The following SLC13A3 variants were observed in gnomAD, a reference collection of about 807,000 sequenced individuals.
SLC13A3 encodes solute carrier family 13 member 3, also known as Na(+)/dicarboxylate cotransporter 3.
In SLC13A3, 40 loss-of-function variants were observed where a neutral mutation model predicts 59.0. The ratio of observed to expected loss-of-function variants is 0.68; its 90% CI spans 0.53 to 0.88. The LOEUF (loss-of-function observed/expected upper bound fraction) is 0.88. Among genes scored for constraint, SLC13A3 ranks in the 40% least tolerant of loss-of-function variants. The probability of loss-of-function intolerance (pLI) is 0.00; values close to 1 mark genes in which losing one functional copy is unlikely to be tolerated. For missense variants in SLC13A3, 699 were observed against 783.2 expected (o/e 0.89, Z 1.28); for synonymous variants, 317 against 330.3 (o/e 0.96, Z 0.44).
chr20:46,582,740 T>C (rs1384955798), intron 9 of SLC13A3: 4 of 985,258 alleles, frequency 4.1e-6, no homozygotes, highest in African/African-American at 1.7e-5. Context: ...AGTGACACTA[T>C]TTTTCTCAAC....
intron 1 of SLC13A3, among the ~76,000 whole-genome samples, chr20:46,661,448 AC>A (rs1352740219): frequency 6.6e-6 from 1 of 152,158 alleles, no homozygotes; most frequent in Non-Finnish European, 1.5e-5. Flanking sequence ...TAGATTTAGA[AC>A]TTTTCCTTCA....
chr20:46,629,940 C>T, intron 1 of SLC13A3, among the ~76,000 whole-genome samples: 1 of 152,168 alleles, frequency 6.6e-6, no homozygotes, highest in East Asian at 1.9e-4. Context: ...TTCTCATGCT[C>T]TCTTTTTGGC....
intron 8 of SLC13A3, among the ~76,000 whole-genome samples, chr20:46,587,423 A>T (rs1041590838): frequency 2.0e-5 from 3 of 151,938 alleles, no homozygotes; most frequent in Non-Finnish European, 2.9e-5. Flanking sequence ...GCCCTCCCCT[A>T]CCTTTCCTCA....
intron 10 of SLC13A3, among the ~76,000 whole-genome samples, chr20:46,570,204 C>G (rs375456023): frequency 6.6e-6 from 1 of 152,156 alleles, no homozygotes; most frequent in African/African-American, 2.4e-5. Flanking sequence ...TAAGTGCACA[C>G]GAAACACTCT....
At chr20:46,597,539 C>T (rs182687392) in intron 4 of SLC13A3, among the ~76,000 whole-genome samples, 2 of 152,248 alleles carry the variant, frequency 1.3e-5, no homozygotes, top group East Asian at 1.9e-4. Context: ...CGGGTTCAAG[C>T]GATTCTCCTG....
chr20:46,642,852 G>A (rs1037176533), intron 1 of SLC13A3, among the ~76,000 whole-genome samples: 1 of 152,300 alleles, frequency 6.6e-6, no homozygotes, highest in Non-Finnish European at 1.5e-5. Context: ...GGGGAGATAG[G>A]CGACAGCAGG....
intron 2 of SLC13A3, among the ~76,000 whole-genome samples, chr20:46,611,548 C>A (rs1430954770): frequency 2.0e-5 from 3 of 152,196 alleles, no homozygotes; most frequent in Non-Finnish European, 4.4e-5. Context: ...GCAGATGGCA[C>A]AGAGATAATG....
At chr20:46,682,346 C>T (rs1044760485) in intron 1 of SLC13A3, 2 of 152,202 alleles carry the variant, frequency 1.3e-5, no homozygotes, top group Admixed American at 1.3e-4. Flanking sequence ...GTTCCCAACC[C>T]CTAAGGTAGC....
chr20:46,621,054 T>A (rs546629034), intron 1 of SLC13A3, among the ~76,000 whole-genome samples: 3 of 152,268 alleles, frequency 2.0e-5, no homozygotes, highest in Admixed American at 2.0e-4. Flanking sequence ...ATAGCAAAGG[T>A]CATGGCAACA....
intron 1 of SLC13A3, among the ~76,000 whole-genome samples, chr20:46,632,910 T>G (rs865810887): frequency 0.07 from 5,037 of 72,176 alleles, 331 homozygotes; most frequent in South Asian, 0.13. Context: ...GATAGATAGA[T>G]ATATCTATCT....
At chr20:46,578,618 G>C (rs562110260) in intron 9 of SLC13A3, among the ~76,000 whole-genome samples, 265 of 152,260 alleles carry the variant, frequency 1.7e-3, no homozygotes, top group African/African-American at 6.3e-3. Flanking sequence ...AGAAGTTGCA[G>C]TGAGCTGAGA....
exon 1 of SLC13A3, chr20:46,684,430 A>G (rs545623068): frequency 1.1e-4 from 17 of 152,364 alleles, no homozygotes; most frequent in African/African-American, 4.1e-4. Context: ...CAGAAAACTT[A>G]TAATCATGGC....
rs571918966 is a variant in SLC13A3 at position 46,566,241 on chromosome 20, G to A, written c.1482C>T (p.Val494=). The change falls in exon 11 of 13, where the codon GTC becomes GTT. Residue 494 remains valine (V), a synonymous_variant. Coordinates refer to ENST00000279027, the MANE Select transcript of SLC13A3 (RefSeq NM_022829.6). The stretch of plus-strand genomic sequence containing the variant: ...GAAGGACCCTCACCAGCTCTGCCAG[G>A]ACCGGCAGGAAGATGATGATGGTCG... ...NTATIIIFLP[V]LAELAIRLRV... is the part of the protein sequence containing the mutation. The A allele has an allele frequency of 1.2e-5, 19 of 1,613,494 alleles. No homozygotes were observed. In the South Asian group the frequency reaches 1.8e-4, roughly 15 times the overall value.
intron 11 of SLC13A3, 60 bp downstream of exon 11, chr20:46,566,169 A>G (rs1600493507): frequency 6.9e-7 from 1 of 1,445,636 alleles, no homozygotes; most frequent in Non-Finnish European, 9.7e-7. Flanking sequence ...TTGGCGGGGG[A>G]AGATTTCTGA....
chr20:46,652,686 C>T (rs1005066376), upstream of SLC13A3, among the ~76,000 whole-genome samples: 2 of 151,948 alleles, frequency 1.3e-5, no homozygotes, highest in African/African-American at 2.4e-5. Context: ...TGCGTCACCA[C>T]GCCCGGCCGT....
chr20:46,620,693 G>T (rs1466504124), intron 1 of SLC13A3, among the ~76,000 whole-genome samples: 1 of 152,092 alleles, frequency 6.6e-6, no homozygotes, highest in African/African-American at 2.4e-5. Context: ...AATTCATCTT[G>T]TTCATGCCCT....
chr20:46,587,142 A>G (rs1488337943), intron 8 of SLC13A3, among the ~76,000 whole-genome samples: 1 of 152,190 alleles, frequency 6.6e-6, no homozygotes, highest in African/African-American at 2.4e-5. Flanking sequence ...CTCCTCGTCT[A>G]TATTTTTGCC....
chr20:46,568,103 C>T (rs1007168926), intron 10 of SLC13A3, among the ~76,000 whole-genome samples: 3 of 152,008 alleles, frequency 2.0e-5, no homozygotes, highest in Admixed American at 6.6e-5. Flanking sequence ...TTCTAGAAGA[C>T]AGCATACAGG....
At chr20:46,670,001 G>A (rs374531429) in intron 1 of SLC13A3, 22 of 152,236 alleles carry the variant, frequency 1.4e-4, no homozygotes, top group African/African-American at 4.8e-4. Flanking sequence ...AAAAATACAT[G>A]CATACTTAAC....
Sources: gnomAD v4.1 joint callset for allele counts (sites outside exome capture counted in the v4.1 genomes callset) on GRCh38, gnomAD v4.1.1 for gene constraint, MANE v1.5 for transcripts, NCBI Gene and HGNC (gene_info 2026-07-23, HGNC 2026-07-21) for gene names.